CNTNAP2: variants seen among roughly 807,000 people sequenced by gnomAD.
The protein encoded by CNTNAP2 is contactin associated protein 2, also known as contactin-associated protein-like 2.
In CNTNAP2, 98 loss-of-function variants were observed where a neutral mutation model predicts 155.2. The observed-to-expected ratio is 0.63, with a 90% CI of 0.54 to 0.75. The LOEUF is 0.75. Ranked by LOEUF, CNTNAP2 falls within the 30% of genes least tolerant of loss-of-function variation. The pLI, the probability that CNTNAP2 is intolerant of heterozygous loss-of-function variation, is 0.00. For synonymous variants in CNTNAP2, 651 were observed against 631.2 expected (o/e 1.03, Z -0.47); for missense variants, 1,727 against 1,688.1 (o/e 1.02, Z -0.40).
intron 1 of CNTNAP2, among the ~76,000 whole-genome samples, chr7:146,683,654 T>C (rs562359223): frequency 2.0e-4 from 30 of 152,284 alleles, no homozygotes; most frequent in African/African-American, 7.0e-4. Flanking sequence ...GTATGTTTGT[T>C]CAATGAGTCA....
chr7:146,543,451 G>A (rs1797983852), intron 1 of CNTNAP2, among the ~76,000 whole-genome samples: 1 of 151,558 alleles, frequency 6.6e-6, no homozygotes, highest in Admixed American at 6.6e-5. Flanking sequence ...TGTTTTTCTA[G>A]CACCATAGAT....
intron 13 of CNTNAP2, among the ~76,000 whole-genome samples, chr7:147,728,581 T>A: frequency 6.6e-6 from 1 of 152,012 alleles, no homozygotes; most frequent in East Asian, 1.9e-4. Context: ...TACATCTTTT[T>A]TCATGTTTCT....
chr7:147,822,693 G>C (rs183030262), intron 13 of CNTNAP2, among the ~76,000 whole-genome samples: 6 of 152,216 alleles, frequency 3.9e-5, no homozygotes, highest in Admixed American at 3.9e-4. Context: ...ACCGTGCCCT[G>C]ATCATTCATA....
At chr7:146,468,055 A>G (rs1229933340) in intron 1 of CNTNAP2, among the ~76,000 whole-genome samples, 1 of 152,222 alleles carries the variant, frequency 6.6e-6, no homozygotes, top group African/African-American at 2.4e-5. Flanking sequence ...TAGAGATAAA[A>G]CAGAAATCTT....
intron 13 of CNTNAP2, among the ~76,000 whole-genome samples, chr7:147,729,221 C>T (rs540139781): frequency 9.7e-4 from 147 of 151,794 alleles, no homozygotes; most frequent in Non-Finnish European, 1.5e-3. Context: ...CAGTTGTAAG[C>T]CACTGCACCC....
intron 1 of CNTNAP2, among the ~76,000 whole-genome samples, chr7:146,377,731 GAT>G (rs759216175): frequency 6.6e-6 from 1 of 152,120 alleles, no homozygotes; most frequent in Non-Finnish European, 1.5e-5. Flanking sequence ...TATCTTTAAT[GAT>G]ATATACTAAT....
chr7:146,585,448 T>G (rs562694536), intron 1 of CNTNAP2, among the ~76,000 whole-genome samples: 21 of 152,162 alleles, frequency 1.4e-4, no homozygotes, highest in African/African-American at 4.1e-4. Flanking sequence ...CTCTCTATCA[T>G]TCCCATTTTC....
intron 20 of CNTNAP2, among the ~76,000 whole-genome samples, chr7:148,238,962 A>T (rs1246815769): frequency 2.0e-5 from 3 of 152,276 alleles, no homozygotes; most frequent in African/African-American, 7.2e-5. Context: ...TATTAAGGAA[A>T]ATAACACAGT....
intron 2 of CNTNAP2, among the ~76,000 whole-genome samples, chr7:146,792,924 T>G (rs1224028015): frequency 2.0e-5 from 3 of 152,234 alleles, no homozygotes; most frequent in African/African-American, 4.8e-5. Flanking sequence ...ATGTCAGCAC[T>G]GTCTGGTAAA....
At chr7:147,975,710 T>C (rs1038224103) in intron 14 of CNTNAP2, among the ~76,000 whole-genome samples, 5 of 152,116 alleles carry the variant, frequency 3.3e-5, no homozygotes, top group Non-Finnish European at 5.9e-5. Context: ...GAAGTGTAGA[T>C]GGTTTCTGTC....
At chr7:147,904,286 A>G (rs1327938221) in intron 14 of CNTNAP2, among the ~76,000 whole-genome samples, 1 of 152,226 alleles carries the variant, frequency 6.6e-6, no homozygotes, top group African/African-American at 2.4e-5. Context: ...TCAGTTCAAG[A>G]AAGATCTATT....
intron 1 of CNTNAP2, among the ~76,000 whole-genome samples, chr7:146,720,338 T>G (rs1269714592): frequency 6.6e-6 from 1 of 152,126 alleles, no homozygotes; most frequent in Non-Finnish European, 1.5e-5. Flanking sequence ...CTGAGTTTGC[T>G]AATGTTGCAG....
chr7:146,689,626 G>T (rs1800663422), intron 1 of CNTNAP2, among the ~76,000 whole-genome samples: 1 of 152,024 alleles, frequency 6.6e-6, no homozygotes, highest in South Asian at 2.1e-4. Flanking sequence ...AGTCTAACTT[G>T]TCCTTTGTGC....
chr7:146,173,728 GTA>G (rs1293720800), intron 1 of CNTNAP2, among the ~76,000 whole-genome samples: 2 of 152,054 alleles, frequency 1.3e-5, no homozygotes, highest in African/African-American at 2.4e-5. Flanking sequence ...GTACTGTATG[GTA>G]TGTCATATAG....
chr7:146,434,621 T>A (rs540234852), intron 1 of CNTNAP2, among the ~76,000 whole-genome samples: 1 of 152,294 alleles, frequency 6.6e-6, no homozygotes, highest in South Asian at 2.1e-4. Context: ...AAACAAATTC[T>A]GAATCAAAAT....
At chr7:148,225,681 G>A (rs970053967) in intron 19 of CNTNAP2, among the ~76,000 whole-genome samples, 3 of 152,176 alleles carry the variant, frequency 2.0e-5, no homozygotes, top group Admixed American at 6.5e-5. Context: ...GTTGGAGAAA[G>A]GACAAAAGCT....
intron 8 of CNTNAP2, among the ~76,000 whole-genome samples, chr7:147,209,453 AC>A (rs1803092472): frequency 6.6e-6 from 1 of 151,940 alleles, no homozygotes. Flanking sequence ...ATACCCTGAA[AC>A]TTTATCGAAT....
intron 10 of CNTNAP2, among the ~76,000 whole-genome samples, chr7:147,444,674 A>G (rs1003822364): frequency 1.3e-5 from 2 of 152,160 alleles, no homozygotes; most frequent in Admixed American, 1.3e-4. Flanking sequence ...TATGTTCCAA[A>G]AAACTCCATG....
At chr7:148,387,148 C>T (rs1009897755) in intron 22 of CNTNAP2, among the ~76,000 whole-genome samples, 2 of 152,126 alleles carry the variant, frequency 1.3e-5, no homozygotes, top group African/African-American at 4.8e-5. Flanking sequence ...ATAAAGGAAG[C>T]ACCAAGAAGG....
Sources: allele counts gnomAD v4.1 joint callset (sites outside exome capture counted in the v4.1 genomes callset), GRCh38; gene constraint gnomAD v4.1.1; transcripts MANE v1.5; gene names NCBI Gene and HGNC (gene_info 2026-07-23, HGNC 2026-07-21).